NKAIN3: variants seen among roughly 807,000 people sequenced by gnomAD.
NKAIN3 encodes sodium/potassium-transporting ATPase subunit beta-1-interacting protein 3.
NKAIN3 carries 25 observed loss-of-function variants against 30.2 expected under a neutral mutation model. The observed-to-expected ratio is 0.83, with a 90% CI of 0.60 to 1.16. NKAIN3 has a LOEUF of 1.16. NKAIN3 is among the 50% of genes most tolerant of loss of function. The probability of loss-of-function intolerance (pLI) is 0.00; values close to 1 mark genes in which losing one functional copy is unlikely to be tolerated. For synonymous variants in NKAIN3, 91 were observed against 89.6 expected, an observed-to-expected ratio of 1.02 and a Z score of -0.09; for missense variants, 225 against 254.1, an observed-to-expected ratio of 0.89 and a Z score of 0.78.
chr8:62,875,582 A>C (rs952810952), intron 4 of NKAIN3, among the ~76,000 whole-genome samples: 38 of 152,224 alleles, frequency 2.5e-4, no homozygotes, highest in African/African-American at 8.9e-4. Flanking sequence ...CTATACTACA[A>C]GGCTACAGAA....
intron 3 of NKAIN3, among the ~76,000 whole-genome samples, chr8:62,647,493 T>G (rs893227727): frequency 3.9e-5 from 6 of 152,056 alleles, no homozygotes; most frequent in Non-Finnish European, 7.4e-5. Context: ...AATCTACAGG[T>G]GCGGTGTGGG....
At chr8:62,996,827 C>T (rs1804125804) in intron 5 of NKAIN3, among the ~76,000 whole-genome samples, 6 of 152,180 alleles carry the variant, frequency 3.9e-5, no homozygotes, top group South Asian at 2.1e-4. Flanking sequence ...TGTCTCACAC[C>T]CACGGTACGC....
intron 1 of NKAIN3, among the ~76,000 whole-genome samples, chr8:62,395,655 A>G (rs1817731971): frequency 1.3e-5 from 2 of 152,230 alleles, no homozygotes; most frequent in African/African-American, 4.8e-5. Context: ...ACACACATCC[A>G]CATATCCACA....
intron 1 of NKAIN3, among the ~76,000 whole-genome samples, chr8:62,341,801 T>C (rs926752701): frequency 3.9e-5 from 6 of 152,032 alleles, no homozygotes; most frequent in African/African-American, 7.2e-5. Context: ...ATGAGGTTCA[T>C]TGTGTTTCTC....
chr8:62,732,488 C>T (rs1444753838), intron 3 of NKAIN3, among the ~76,000 whole-genome samples: 2 of 151,838 alleles, frequency 1.3e-5, no homozygotes, highest in African/African-American at 2.4e-5. Flanking sequence ...TTCATAAATG[C>T]TTCATGTGTA....
intron 4 of NKAIN3, among the ~76,000 whole-genome samples, chr8:62,785,990 G>T: frequency 6.6e-6 from 1 of 152,070 alleles, no homozygotes; most frequent in Non-Finnish European, 1.5e-5. Flanking sequence ...GGCCGGTACG[G>T]AAATAAGTGT....
At chr8:62,309,951 A>G (rs571106928) in intron 1 of NKAIN3, among the ~76,000 whole-genome samples, 15 of 150,450 alleles carry the variant, frequency 1.0e-4, no homozygotes, top group Non-Finnish European at 1.3e-4. Context: ...TCTCACATTC[A>G]TCCTCAACTA....
intron 4 of NKAIN3, among the ~76,000 whole-genome samples, chr8:62,831,852 A>G (rs1047923120): frequency 1.3e-5 from 2 of 152,174 alleles, no homozygotes; most frequent in African/African-American, 4.8e-5. Flanking sequence ...ATCCAGATAT[A>G]AGAAATCCAG....
chr8:62,637,679 T>C (rs1812176407), intron 3 of NKAIN3, among the ~76,000 whole-genome samples: 1 of 152,106 alleles, frequency 6.6e-6, no homozygotes, highest in African/African-American at 2.4e-5. Flanking sequence ...GAGATTCAAA[T>C]TGCACAGCGA....
At chr8:62,864,246 G>T (rs751112978) in intron 4 of NKAIN3, 41 of 825,070 alleles carry the variant, frequency 5.0e-5, no homozygotes, top group Middle Eastern at 4.7e-4. Context: ...AGGATTAGAG[G>T]AGGCGGCCGA....
intron 3 of NKAIN3, among the ~76,000 whole-genome samples, chr8:62,727,995 G>A (rs189404616): frequency 3.4e-4 from 51 of 152,162 alleles, no homozygotes; most frequent in African/African-American, 1.1e-3. Flanking sequence ...TATAAGTTTT[G>A]TAACTATATT....
intron 1 of NKAIN3, among the ~76,000 whole-genome samples, chr8:62,262,760 C>T (rs1585609145): frequency 6.6e-6 from 1 of 152,004 alleles, no homozygotes; most frequent in East Asian, 1.9e-4. Flanking sequence ...AAGTAGAAGA[C>T]AACGTTTTGT....
intron 4 of NKAIN3, among the ~76,000 whole-genome samples, chr8:62,915,455 C>G (rs1822065913): frequency 6.6e-6 from 1 of 152,070 alleles, no homozygotes; most frequent in African/African-American, 2.4e-5. Context: ...GGCAAGGAAA[C>G]AGAGTTTGCC....
intron 1 of NKAIN3, among the ~76,000 whole-genome samples, chr8:62,459,910 A>G (rs2129599385): frequency 6.6e-6 from 1 of 152,314 alleles, no homozygotes; most frequent in East Asian, 1.9e-4. Context: ...TTCCTTTGAC[A>G]GAGATGAGAA....
chr8:62,348,858 T>C (rs988449279), intron 1 of NKAIN3, among the ~76,000 whole-genome samples: 3 of 152,154 alleles, frequency 2.0e-5, no homozygotes, highest in African/African-American at 7.2e-5. Flanking sequence ...AATATTGAAC[T>C]AAGAAATACG....
chr8:62,916,348 G>A (rs1458843418), intron 4 of NKAIN3, among the ~76,000 whole-genome samples: 2 of 152,010 alleles, frequency 1.3e-5, no homozygotes, highest in African/African-American at 4.8e-5. Flanking sequence ...TATTAACTTG[G>A]GTCATAAGAG....
intron 1 of NKAIN3, among the ~76,000 whole-genome samples, chr8:62,319,207 A>G (rs2129589247): frequency 6.6e-6 from 1 of 151,908 alleles, no homozygotes; most frequent in South Asian, 2.1e-4. Context: ...TATTGCGTCT[A>G]TTTTATTCTT....
intron 1 of NKAIN3, among the ~76,000 whole-genome samples, chr8:62,278,653 T>C (rs181418061): frequency 3.3e-5 from 5 of 152,222 alleles, no homozygotes; most frequent in Admixed American, 2.0e-4. Flanking sequence ...CCTGTGATAG[T>C]TTGCTAAGAA....
intron 1 of NKAIN3, among the ~76,000 whole-genome samples, chr8:62,412,810 G>T (rs992298359): frequency 6.6e-6 from 1 of 150,684 alleles, no homozygotes; most frequent in Non-Finnish European, 1.5e-5. Context: ...TACTCGGGAG[G>T]CTGAGGTAGG....
Sources: allele counts gnomAD v4.1 joint callset (sites outside exome capture counted in the v4.1 genomes callset), GRCh38; gene constraint gnomAD v4.1.1; transcripts MANE v1.5; gene names NCBI Gene and HGNC (gene_info 2026-07-23, HGNC 2026-07-21).